Variants in FRMD4B observed in about 807,000 individuals in gnomAD.
The protein encoded by FRMD4B is FERM domain containing 4B, also known as FERM domain-containing protein 4B.
In FRMD4B, 74 loss-of-function variants were observed where a neutral mutation model predicts 141.5. The ratio of observed to expected loss-of-function variants is 0.52; its 90% CI spans 0.43 to 0.63. The LOEUF (loss-of-function observed/expected upper bound fraction) is 0.63. FRMD4B is among the 30% of genes least tolerant of loss of function. The probability of loss-of-function intolerance (pLI) is 0.00; values close to 1 mark genes in which losing one functional copy is unlikely to be tolerated. For synonymous variants in FRMD4B, 506 were observed against 467.9 expected (o/e 1.08, Z -1.05); for missense variants, 1,366 against 1,253.4 (o/e 1.09, Z -1.36).
At chr3:69,456,148 T>C (rs966999719) in intron 1 of FRMD4B, among the ~76,000 whole-genome samples, 1 of 151,548 alleles carries the variant, frequency 6.6e-6, no homozygotes, top group African/African-American at 2.4e-5. Flanking sequence ...ACAAAACATC[T>C]GAAACAGGGC....
At chr3:69,310,385 G>T in intron 3 of FRMD4B, 1 of 438,234 alleles carries the variant, frequency 2.3e-6, no homozygotes, top group South Asian at 1.6e-5. Context: ...TGGATGGTTG[G>T]CCAACATATT....
chr3:69,529,408 A>T (rs1700981808), intron 1 of FRMD4B, among the ~76,000 whole-genome samples: 2 of 152,288 alleles, frequency 1.3e-5, no homozygotes, highest in Admixed American at 6.5e-5. Flanking sequence ...CTTATTTTAT[A>T]GATAAGGAGA....
chr3:69,392,059 T>G (rs1704393160), intron 2 of FRMD4B, among the ~76,000 whole-genome samples: 2 of 152,234 alleles, frequency 1.3e-5, no homozygotes, highest in South Asian at 4.1e-4. Context: ...AATAAATGAC[T>G]ATTTGTCTTA....
At chr3:69,176,794 T>C (rs1242638695) in intron 21 of FRMD4B, 138 bp from the exon 22 acceptor site, 4 of 618,266 alleles carry the variant, frequency 6.5e-6, no homozygotes, top group African/African-American at 1.8e-5. Flanking sequence ...GAGTTCCTAT[T>C]CCAATTTAGT....
intron 2 of FRMD4B, among the ~76,000 whole-genome samples, chr3:69,400,386 GA>G (rs71115692): frequency 0.68 from 101,464 of 149,744 alleles, 34,250 homozygotes; most frequent in Middle Eastern, 0.7. Flanking sequence ...TGTCTCTCAA[GA>G]AAAAAAAAAA....
At chr3:69,426,321 C>CATGT (rs143036897) in intron 2 of FRMD4B, among the ~76,000 whole-genome samples, 8 of 149,720 alleles carry the variant, frequency 5.3e-5, no homozygotes, top group African/African-American at 2.0e-4. Flanking sequence ...CTTTTAAAAG[C>CATGT]GTGTGTGTGT....
At chr3:69,225,955 T>G (rs1020743230) in intron 7 of FRMD4B, among the ~76,000 whole-genome samples, 2 of 152,136 alleles carry the variant, frequency 1.3e-5, no homozygotes, top group Admixed American at 1.3e-4. Flanking sequence ...TACCCTTCGA[T>G]GAAAGGCTCC....
At chr3:69,375,550 G>C (rs144610142) in intron 1 of FRMD4B, among the ~76,000 whole-genome samples, 1 of 152,040 alleles carries the variant, frequency 6.6e-6, no homozygotes, top group Non-Finnish European at 1.5e-5. Context: ...GAATTCAGGC[G>C]GTTTGAGTTC....
rs750128753 is a variant in FRMD4B at position 69,366,889 on chromosome 3, C to T, written c.162+18939G>A. On this transcript the variant is annotated intron_variant, in intron 1 of 22. Coordinates refer to ENST00000398540, the MANE Select transcript of FRMD4B (RefSeq NM_015123.3). ...GGCTCAAGTGATCCTCCCACCTCAG[C>T]CTCCTGAGTAGCTAGAACTACAGGT... is the stretch of plus-strand genomic sequence containing the variant. Among the ~76,000 whole-genome samples, 20 of 152,062 alleles carry T rather than the reference C, an allele frequency of 1.3e-4. No homozygotes were observed. In the East Asian group the frequency reaches 1.4e-3, roughly 10 times the overall value.
intron 5 of FRMD4B, among the ~76,000 whole-genome samples, chr3:69,266,646 T>G (rs765028477): frequency 6.6e-6 from 1 of 151,994 alleles, no homozygotes; most frequent in Non-Finnish European, 1.5e-5. Flanking sequence ...TTTTTAAAAA[T>G]GAAGATGGAG....
chr3:69,432,861 C>T (rs1424541379), intron 1 of FRMD4B: 1 of 152,112 alleles, frequency 6.6e-6, no homozygotes, highest in East Asian at 1.9e-4. Context: ...TCTAATTTTC[C>T]CCTGGCTGAC....
intron 1 of FRMD4B, among the ~76,000 whole-genome samples, chr3:69,349,658 G>T (rs1257630016): frequency 1.3e-5 from 2 of 152,204 alleles, no homozygotes; most frequent in South Asian, 2.1e-4. Flanking sequence ...AGAGCCCTCA[G>T]AAATAATATC....
intron 22 of FRMD4B, among the ~76,000 whole-genome samples, chr3:69,172,544 C>A (rs2092599367): frequency 6.6e-6 from 1 of 152,130 alleles, no homozygotes; most frequent in Admixed American, 6.5e-5. Flanking sequence ...TTGTGACAAT[C>A]ACATTTTAAG....
intron 1 of FRMD4B, among the ~76,000 whole-genome samples, chr3:69,540,636 A>AAAAAAAT (rs1553652109): frequency 1.6e-4 from 11 of 69,516 alleles, no homozygotes; most frequent in African/African-American, 5.8e-4. Flanking sequence ...AAAAAAAAAA[A>AAAAAAAT]ATATATATAT....
chr3:69,195,001 G>T (rs765057581), intron 16 of FRMD4B, 21 bp downstream of exon 16: 1 of 1,606,768 alleles, frequency 6.2e-7, no homozygotes, highest in Non-Finnish European at 8.5e-7. Flanking sequence ...TAATTGAAAG[G>T]CTCAGAGGCG....
intron 5 of FRMD4B, among the ~76,000 whole-genome samples, chr3:69,261,415 T>G (rs1055198680): frequency 6.6e-6 from 1 of 152,228 alleles, no homozygotes; most frequent in Admixed American, 6.5e-5. Flanking sequence ...ATGACTGCTT[T>G]TAGTGTATTT....
chr3:69,312,496 A>G (rs1701634136), intron 2 of FRMD4B, among the ~76,000 whole-genome samples: 1 of 152,210 alleles, frequency 6.6e-6, no homozygotes, highest in African/African-American at 2.4e-5. Flanking sequence ...TAGAGGAGAA[A>G]ATTCTAGGCT....
At chr3:69,448,124 G>C (rs1191154815) in intron 1 of FRMD4B, among the ~76,000 whole-genome samples, 1 of 151,814 alleles carries the variant, frequency 6.6e-6, no homozygotes, top group Non-Finnish European at 1.5e-5. Context: ...CTGTTTCCTG[G>C]GTTCAAGGGA....
chr3:69,195,663 G>C (rs2092895916), intron 14 of FRMD4B, among the ~76,000 whole-genome samples: 2 of 152,148 alleles, frequency 1.3e-5, no homozygotes, highest in Admixed American at 6.5e-5. Context: ...GAGCAGAAGA[G>C]AAGGTAAGAT....
Sources: gnomAD v4.1 joint callset for allele counts (sites outside exome capture counted in the v4.1 genomes callset) on GRCh38, gnomAD v4.1.1 for gene constraint, MANE v1.5 for transcripts, NCBI Gene and HGNC (gene_info 2026-07-23, HGNC 2026-07-21) for gene names.